Variants in CCNH observed in about 807,000 individuals in gnomAD.
CCNH encodes the protein cyclin H.
A neutral mutation model predicts 41.9 loss-of-function variants in CCNH; 31 were observed. That is an observed-to-expected ratio of 0.74 (90% CI 0.56 to 1.00). The LOEUF (loss-of-function observed/expected upper bound fraction) is 1.00, where lower values mean the gene tolerates loss of function less well. CCNH is among the 50% of genes least tolerant of loss of function. The probability of loss-of-function intolerance (pLI) is 0.00; values close to 1 mark genes in which losing one functional copy is unlikely to be tolerated. For synonymous variants in CCNH, 138 were observed against 136.1 expected, an observed-to-expected ratio of 1.01 and a Z score of -0.10; for missense variants, 362 against 388.4, an observed-to-expected ratio of 0.93 and a Z score of 0.57.
At chr5:87,319,072 TTCC>T in intron 9 of CCNH, among the ~76,000 whole-genome samples, 1 of 152,232 alleles carries the variant, frequency 6.6e-6, no homozygotes, top group Non-Finnish European at 1.5e-5. Flanking sequence ...TATCCTTTGA[TTCC>T]ATGTCTCACA....
chr5:87,321,463 T>G (rs1356172878), intron 9 of CCNH, among the ~76,000 whole-genome samples: 1 of 152,230 alleles, frequency 6.6e-6, no homozygotes, highest in Non-Finnish European at 1.5e-5. Context: ...AGTCTGCATC[T>G]CTGGAACTTC....
At chr5:87,354,602 T>G (rs1302675057) in intron 9 of CCNH, among the ~76,000 whole-genome samples, 3 of 152,138 alleles carry the variant, frequency 2.0e-5, no homozygotes, top group African/African-American at 7.2e-5. Context: ...ACTATTAAAA[T>G]TGGGCCAATT....
chr5:87,335,418 G>C (rs1757893247), intron 9 of CCNH, among the ~76,000 whole-genome samples: 1 of 135,232 alleles, frequency 7.4e-6, no homozygotes, highest in African/African-American at 2.8e-5. Flanking sequence ...TAAAGAATGA[G>C]GTTTTTTTTT....
intron 9 of CCNH, chr5:87,385,165 A>G (rs1761982042): frequency 2.9e-6 from 2 of 689,708 alleles, no homozygotes; most frequent in Admixed American, 2.5e-5. Flanking sequence ...CATTTTTCCA[A>G]AAACATTCTG....
At position 87,376,611 on chromosome 5, in the gene CCNH, A is replaced by G; in HGVS notation, n.570T>C. ...CTTGTTTTTGTTGGAATTAACAGAAACATTTAACATTTAATAAAAGATCCA... is the reference window on the plus strand; with the variant it reads ...CTTGTTTTTGTTGGAATTAACAGAAGCATTTAACATTTAATAAAAGATCCA... On this transcript the variant is annotated non_coding_transcript_exon_variant, in exon 1 of 1. Transcript: ENST00000607486. The G allele has an allele frequency of 1.9e-6, 3 of 1,569,494 alleles. 1 individual carries two copies. The highest frequency in any genetic ancestry group is 3.3e-5 in the Admixed American group (2 of 59,778).
At chr5:87,314,932 AC>A (rs948020016), downstream of CCNH, among the ~76,000 whole-genome samples, 38 of 152,106 alleles carry the variant, frequency 2.5e-4, no homozygotes, top group Admixed American at 2.4e-3. Context: ...GATAAGTGAC[AC>A]CCCCATCTTT....
intron 9 of CCNH, among the ~76,000 whole-genome samples, chr5:87,327,833 C>T (rs1199297128): frequency 6.6e-6 from 1 of 151,966 alleles, no homozygotes; most frequent in Non-Finnish European, 1.5e-5. Context: ...GATGTGGTGG[C>T]ACACACCTGT....
chr5:87,379,746 A>G, upstream of CCNH: 3 of 1,612,296 alleles, frequency 1.9e-6, no homozygotes, highest in Non-Finnish European at 2.5e-6. Context: ...TAAGTCCATC[A>G]AAGTTAGAAA....
At chr5:87,391,855 T>C, downstream of CCNH, 1 of 231,650 alleles carries the variant, frequency 4.3e-6, no homozygotes, top group Non-Finnish European at 8.5e-6. Context: ...TACTTCTGTA[T>C]GTGTATTTTT....
At chr5:87,401,139 A>G (rs1763375564) in intron 6 of CCNH, among the ~76,000 whole-genome samples, 1 of 152,218 alleles carries the variant, frequency 6.6e-6, no homozygotes, top group Non-Finnish European at 1.5e-5. Context: ...TAGAAGGGCC[A>G]TACTCTCTCT....
At position 87,412,742 on chromosome 5, in the gene CCNH, T is replaced by C. The variant is rs1764364288; in HGVS notation, c.53A>G (p.Gln18Arg). ...KRHWTFSSEEQLARLRADANR... is the reference protein window; with the variant it reads ...KRHWTFSSEERLARLRADANR... Reference sequence around the variant, plus strand: ...GGCGTCAGCCCGCAGTCTTGCCAGCTGCTCCTCGCTGGAGAAGGTCCAGTG... The same window carrying C: ...GGCGTCAGCCCGCAGTCTTGCCAGCCGCTCCTCGCTGGAGAAGGTCCAGTG... The change falls in exon 1 of 9, where the codon CAG (glutamine) becomes CGG (arginine). Residue 18 changes from glutamine (Q) to arginine (R), a missense_variant. Transcript: ENST00000256897. 1.9e-6 allele frequency: 3 copies of C among 1,614,134 alleles called. No individual in the cohort carries two copies. The highest frequency in any genetic ancestry group is 2.5e-6 in the Non-Finnish European group (3 of 1,180,046).
chr5:87,325,321 C>T (rs983223207), intron 9 of CCNH, among the ~76,000 whole-genome samples: 7 of 152,142 alleles, frequency 4.6e-5, no homozygotes, highest in African/African-American at 1.7e-4. Flanking sequence ...AACTACAATT[C>T]AAGATGAGAT....
At chr5:87,407,376 A>T (rs1763876571) in intron 4 of CCNH, among the ~76,000 whole-genome samples, 1 of 152,200 alleles carries the variant, frequency 6.6e-6, no homozygotes, top group Non-Finnish European at 1.5e-5. Flanking sequence ...GAAGGTACCC[A>T]AATTGAGCCA....
intron 5 of CCNH, among the ~76,000 whole-genome samples, chr5:87,403,622 A>T (rs1402179421): frequency 6.6e-6 from 1 of 152,134 alleles, no homozygotes; most frequent in Non-Finnish European, 1.5e-5. Flanking sequence ...CTACAAAAAA[A>T]ACAAAAAGAT....
downstream of CCNH, chr5:87,389,619 CTT>C (rs1224043935): frequency 9.9e-6 from 15 of 1,512,480 alleles, no homozygotes; most frequent in East Asian, 2.3e-4. Context: ...ACATTTTTAT[CTT>C]GTTACATTAA....
At chr5:87,355,225 A>G (rs1172310295) in intron 9 of CCNH, among the ~76,000 whole-genome samples, 5 of 152,182 alleles carry the variant, frequency 3.3e-5, no homozygotes, top group African/African-American at 1.2e-4. Flanking sequence ...ATTATCTAGG[A>G]CTTTCATGGC....
intron 9 of CCNH, among the ~76,000 whole-genome samples, chr5:87,338,303 A>G (rs771221691): frequency 4.0e-5 from 6 of 151,634 alleles, no homozygotes; most frequent in Non-Finnish European, 8.8e-5. Flanking sequence ...GAAAGCTTGT[A>G]TGATTTTCTA....
chr5:87,398,473 T>C (rs936925462), intron 7 of CCNH, among the ~76,000 whole-genome samples: 2 of 152,116 alleles, frequency 1.3e-5, no homozygotes, highest in Non-Finnish European at 2.9e-5. Flanking sequence ...CCACAGGAAA[T>C]AGAAAATGGC....
At chr5:87,317,780 C>T (rs374708703), downstream of CCNH, among the ~76,000 whole-genome samples, 12 of 151,896 alleles carry the variant, frequency 7.9e-5, no homozygotes, top group African/African-American at 1.7e-4. Flanking sequence ...TGATTACAGG[C>T]GCATACCACC....
Sources: gnomAD v4.1 joint callset for allele counts (sites outside exome capture counted in the v4.1 genomes callset) on GRCh38, gnomAD v4.1.1 for gene constraint, MANE v1.5 for transcripts, NCBI Gene and HGNC (gene_info 2026-07-23, HGNC 2026-07-21) for gene names.